Variants in BTBD9 observed in about 807,000 individuals in gnomAD.
BTBD9 encodes the protein BTB/POZ domain-containing protein 9.
Under a neutral mutation model 64.3 loss-of-function variants are expected in BTBD9, and 49 were observed. That is an observed-to-expected ratio of 0.76 (90% CI 0.61 to 0.97). BTBD9 has a LOEUF of 0.97. Among genes scored for constraint, BTBD9 ranks in the 50% least tolerant of loss-of-function variants. BTBD9 has a pLI of 0.00. For synonymous variants in BTBD9, 260 were observed against 274.7 expected (o/e 0.95, Z 0.53); for missense variants, 598 against 762.1 (o/e 0.78, Z 2.53).
intron 6 of BTBD9, among the ~76,000 whole-genome samples, chr6:38,525,655 G>T (rs1281706073): frequency 1.3e-5 from 2 of 152,238 alleles, no homozygotes; most frequent in Admixed American, 1.3e-4. Context: ...GTCTCAGATG[G>T]AGATGAGGAA....
At chr6:38,573,121 A>G (rs771868823) in intron 6 of BTBD9, among the ~76,000 whole-genome samples, 20 of 152,170 alleles carry the variant, frequency 1.3e-4, no homozygotes, top group Admixed American at 1.0e-3. Context: ...AATGGCCAGT[A>G]TTAAAAGATA....
At position 38,399,770 on chromosome 6, in the gene BTBD9, A is replaced by G. The variant is rs1766843473; in HGVS notation, c.1155-54677T>C. ...CTTTGTGGTTTTTATTTTTTTCTTG[A>G]GACAGAATTTCACTCTTGTTGCCCA... On this transcript the variant is annotated intron_variant, in intron 6 of 10. Transcript: ENST00000481247. 5.9e-5 allele frequency among the ~76,000 whole-genome samples: 9 copies of G among 151,698 alleles called. No homozygotes were observed. In the South Asian group the frequency reaches 1.9e-3, roughly 32 times the overall value.
At position 38,222,254 on chromosome 6, in the gene BTBD9, G is replaced by GTTTTTTT. The variant is rs771737210; in HGVS notation, c.1563-29658_1563-29657insAAAAAAA. ...TAAATTAGCCTTAATAATTCATTCA[G>GTTTTTTT]TTGTTTTTTTTTTTTTTTTTTTTTT... On this transcript the variant is annotated intron_variant, in intron 9 of 10. Transcript: ENST00000481247. Among the ~76,000 whole-genome samples the GTTTTTTT allele has an allele frequency of 7.9e-4, 76 of 96,744 alleles. 15 individuals are homozygous for GTTTTTTT. The highest frequency in any genetic ancestry group is 8.8e-4 in the Non-Finnish European group (46 of 52,552). 63.5% of individuals were successfully genotyped at this position (96,744 alleles called of 152,430 possible).
At chr6:38,521,968 C>G (rs565549806) in intron 6 of BTBD9, among the ~76,000 whole-genome samples, 1 of 152,308 alleles carries the variant, frequency 6.6e-6, no homozygotes, top group Non-Finnish European at 1.5e-5. Flanking sequence ...AGCTACCACA[C>G]CCAGCCCCTC....
chr6:38,489,302 CA>C (rs1562254662), intron 6 of BTBD9, among the ~76,000 whole-genome samples: 1 of 151,954 alleles, frequency 6.6e-6, no homozygotes, highest in Non-Finnish European at 1.5e-5. Flanking sequence ...CCCATCTCTA[CA>C]AAAAAATTTA....
intron 6 of BTBD9, among the ~76,000 whole-genome samples, chr6:38,559,681 T>A (rs1301382173): frequency 6.6e-6 from 1 of 152,110 alleles, no homozygotes; most frequent in East Asian, 1.9e-4. Context: ...CAAATGACAC[T>A]ATAAGGTTAC....
chr6:38,177,838 A>T (rs1761346472), intron 10 of BTBD9, among the ~76,000 whole-genome samples: 1 of 152,212 alleles, frequency 6.6e-6, no homozygotes, highest in Admixed American at 6.5e-5. Flanking sequence ...GTTACTCCCA[A>T]CACACCTAAC....
Position 38,169,926 on chromosome 6 carries a change from G to T in BTBD9, c.*5059C>A, listed in dbSNP as rs1317674875. On this transcript the variant is annotated 3_prime_UTR_variant, in exon 11 of 11. Transcript: ENST00000481247. ...AAAAAAAGAAGACACGAAGCTGATGGGGCAGGAGGGCCGTTCAGCCTGGCT... is the reference window on the plus strand; with the variant it reads ...AAAAAAAGAAGACACGAAGCTGATGTGGCAGGAGGGCCGTTCAGCCTGGCT... 1 of 152,224 alleles carries T rather than the reference G, an allele frequency of 6.6e-6. No individual in the cohort carries two copies. The highest frequency in any genetic ancestry group is 2.4e-5 in the African/African-American group (1 of 41,446). 9.4% of individuals were successfully genotyped at this position (152,224 alleles called of 1,614,324 possible).
chr6:38,398,410 A>G (rs4711546), intron 6 of BTBD9, among the ~76,000 whole-genome samples: 62,286 of 151,964 alleles, frequency 0.41, 15,967 homozygotes, highest in East Asian at 0.95. Flanking sequence ...TTAGGAATAT[A>G]AGGCCATACC....
intron 6 of BTBD9, among the ~76,000 whole-genome samples, chr6:38,517,774 T>C (rs1773101543): frequency 6.6e-6 from 1 of 152,210 alleles, no homozygotes; most frequent in African/African-American, 2.4e-5. Flanking sequence ...TCTTAGTTTG[T>C]TGTAAAGCAA....
intron 6 of BTBD9, among the ~76,000 whole-genome samples, chr6:38,386,610 G>A (rs997720631): frequency 2.0e-5 from 3 of 149,164 alleles, no homozygotes; most frequent in African/African-American, 7.5e-5. Flanking sequence ...TTATATTTGG[G>A]ATACATTTTC....
At chr6:38,607,747 C>T (rs969047291) in intron 1 of BTBD9, among the ~76,000 whole-genome samples, 3 of 140,292 alleles carry the variant, frequency 2.1e-5, no homozygotes, top group African/African-American at 8.5e-5. Context: ...TATTTAATCA[C>T]AAAATATCAA....
rs1337828954 is a variant in BTBD9, at chr6:38,171,618, GT to G, written c.*3366del. On this transcript the variant is annotated 3_prime_UTR_variant, in exon 11 of 11. Coordinates refer to ENST00000481247, the MANE Select transcript of BTBD9 (RefSeq NM_001099272.2). ...TGTGTGTGTGTGAGAGGGAGAGACG[GT>G]GGGGGCGGGGGGTGGTTCATAGCTG... 10 of 147,132 alleles carry G rather than the reference GT, an allele frequency of 6.8e-5. No individual in the cohort carries two copies. The highest frequency in any genetic ancestry group is 2.3e-4 in the African/African-American group (9 of 39,504). 9.1% of individuals were successfully genotyped at this position (147,132 alleles called of 1,614,324 possible).
At chr6:38,500,505 C>A (rs1772148039) in intron 6 of BTBD9, among the ~76,000 whole-genome samples, 1 of 152,144 alleles carries the variant, frequency 6.6e-6, no homozygotes, top group African/African-American at 2.4e-5. Context: ...TAAAAAGATA[C>A]CATTTAATTT....
intron 7 of BTBD9, among the ~76,000 whole-genome samples, chr6:38,330,128 C>T (rs777414703): frequency 3.3e-5 from 5 of 151,320 alleles, no homozygotes; most frequent in African/African-American, 7.3e-5. Flanking sequence ...GATATTGGCT[C>T]ACTGCAACCT....
At chr6:38,436,136 G>C (rs1768725581) in intron 6 of BTBD9, among the ~76,000 whole-genome samples, 1 of 151,804 alleles carries the variant, frequency 6.6e-6, no homozygotes, top group South Asian at 2.1e-4. Context: ...TAGATAAATA[G>C]AAAGTACCAT....
intron 5 of BTBD9, among the ~76,000 whole-genome samples, chr6:38,578,931 A>G (rs1433641233): frequency 6.6e-6 from 1 of 152,174 alleles, no homozygotes; most frequent in Non-Finnish European, 1.5e-5. Context: ...TAACTTCACT[A>G]TTAGTTAAAT....
intron 6 of BTBD9, among the ~76,000 whole-genome samples, chr6:38,510,867 A>G (rs1375173050): frequency 1.3e-5 from 2 of 152,290 alleles, no homozygotes; most frequent in African/African-American, 2.4e-5. Flanking sequence ...ATCTCCTATG[A>G]TAACAATGCC....
rs6903799 is a variant in BTBD9, at chr6:38,200,488, T to C, written c.1563-7891A>G. 9.3e-3 allele frequency among the ~76,000 whole-genome samples: 1,416 copies of C among 152,086 alleles called. 22 individuals are homozygous for C. Among genetic ancestry groups the C allele is most frequent in the African/African-American group, 0.031 (1,300 of 41,490 alleles). ...GATCAATGAAATGGAAAATTGGTTC[T>C]TAGAAAAGATAAACAAAATTGATAA... On this transcript the variant is annotated intron_variant, in intron 9 of 10. Coordinates refer to ENST00000481247, the MANE Select transcript of BTBD9 (RefSeq NM_001099272.2).
Sources: allele counts gnomAD v4.1 joint callset (sites outside exome capture counted in the v4.1 genomes callset), GRCh38; gene constraint gnomAD v4.1.1; transcripts MANE v1.5; gene names NCBI Gene and HGNC (gene_info 2026-07-23, HGNC 2026-07-21).